Variants in ABCA4 observed in about 807,000 individuals in gnomAD.
The protein encoded by ABCA4 is ATP binding cassette subfamily A member 4.
A neutral mutation model predicts 263.7 loss-of-function variants in ABCA4; 196 were observed. The observed-to-expected ratio is 0.74, with a 90% CI of 0.66 to 0.84. ABCA4 has a LOEUF of 0.84. ABCA4 is among the 40% of genes least tolerant of loss of function. The probability of loss-of-function intolerance (pLI) is 0.00; values close to 1 mark genes in which losing one functional copy is unlikely to be tolerated. For missense variants in ABCA4, 2,792 were observed against 2,855.1 expected (o/e 0.98, Z 0.50); for synonymous variants, 1,133 against 1,094.2 (o/e 1.04, Z -0.70).
At chr1:94,102,441 C>G (rs1303193306) in intron 5 of ABCA4, among the ~76,000 whole-genome samples, 1 of 151,944 alleles carries the variant, frequency 6.6e-6, no homozygotes, top group Non-Finnish European at 1.5e-5. Context: ...GGCTGACAGA[C>G]AACTCTGCTC....
At chr1:94,021,463 A>G in intron 34 of ABCA4, 54 bp from the exon 35 acceptor site, 1 of 1,610,456 alleles carries the variant, frequency 6.2e-7, no homozygotes, top group Non-Finnish European at 8.5e-7. Context: ...GTTAAAGCAG[A>G]AATCAGTGAA....
At position 94,060,632 on chromosome 1, in the gene ABCA4, G is replaced by A; in HGVS notation, c.2065C>T (p.Gln689Ter). ...CAAATCACTGCATTGGAGACACCCT[G>A]ATTTTTCAAGGTCTCCTTCAGTCGC... ...ELRLKETLKN[Q>*]GVSNAVIWCT... Residue 689 changes from glutamine to a stop codon, truncating the protein, a stop_gained, in exon 14 of 50, where the codon CAG becomes TAG. Transcript: ENST00000370225. LOFTEE classifies it high-confidence loss of function. 6.2e-7 allele frequency: 1 copy of A among 1,614,152 alleles called. No homozygotes were observed. Among genetic ancestry groups the A allele is most frequent in the Non-Finnish European group, 8.5e-7 (1 of 1,180,030 alleles).
At chr1:94,036,299 T>C (rs921930601) in intron 26 of ABCA4, among the ~76,000 whole-genome samples, 1 of 150,772 alleles carries the variant, frequency 6.6e-6, no homozygotes, top group African/African-American at 2.4e-5. Context: ...CCATCTAGGA[T>C]GCAAAATGCC....
rs1557770103 is a variant in ABCA4 at position 94,024,939 on chromosome 1, A to C, written c.4634+15T>G. 3.7e-6 allele frequency: 6 copies of C among 1,604,264 alleles called. No individual in the cohort carries two copies. The highest frequency in any genetic ancestry group is 5.1e-6 in the Non-Finnish European group (6 of 1,170,988). ...AGGGAGCCAGGATAAAAAGCATAAA[A>C]GGATTTCTTCTTACCTGCTTCTTAT... On this transcript the variant is annotated intron_variant, in intron 31 of 49. Coordinates refer to ENST00000370225, the MANE Select transcript of ABCA4 (RefSeq NM_000350.3).
rs138494741 is a variant in ABCA4 at position 94,108,590 on chromosome 1, C to T, written c.429G>A (p.Pro143=). 48 of 1,613,470 alleles carry T rather than the reference C, an allele frequency of 3.0e-5. No homozygotes were observed. In the African/African-American group the frequency reaches 3.5e-4, roughly 12 times the overall value. ...SQFMDTLRTH[P]ERIAGRGIRI... ...AGTCATGCTTACCTGCAATTCTCTC[C>T]GGGTGAGTCCGGAGGGTGTCCATGA... The change falls in exon 4 of 50, where the codon CCG becomes CCA. Residue 143 remains proline, a synonymous_variant. Transcript: ENST00000370225.
intron 17 of ABCA4, among the ~76,000 whole-genome samples, 173 bp downstream of exon 17, chr1:94,051,460 G>A (rs1438794666): frequency 2.0e-5 from 3 of 152,192 alleles, no homozygotes; most frequent in Non-Finnish European, 4.4e-5. Flanking sequence ...ACTTGTGAAA[G>A]GTGGTCCCCC....
chr1:94,024,419 A>G (rs2151847), intron 31 of ABCA4, among the ~76,000 whole-genome samples: 2 of 152,024 alleles, frequency 1.3e-5, no homozygotes, highest in Non-Finnish European at 2.9e-5. Flanking sequence ...GCAGTGATCA[A>G]AGATGATAAT....
In ABCA4 at chr1:94,108,833, C is replaced by T. The variant is rs535314972; in HGVS notation, c.303-117G>A. On this transcript the variant is annotated intron_variant, in intron 3 of 49. Transcript: ENST00000370225. ...TGTCACCCAGGCTGGAGTGCAGTGG[C>T]GTGATCTCGGCTCACTGCAAGCTCT... 3.7e-4 allele frequency: 467 copies of T among 1,272,828 alleles called. 8 individuals are homozygous for T. The South Asian group carries it at 5.2e-3, about 14-fold the overall frequency. 78.8% of individuals were successfully genotyped at this position (1,272,828 alleles called of 1,614,324 possible).
chr1:94,062,111 A>T (rs1661143624), intron 13 of ABCA4, among the ~76,000 whole-genome samples: 1 of 152,120 alleles, frequency 6.6e-6, no homozygotes, highest in South Asian at 2.1e-4. Context: ...CTGCCTTGTC[A>T]TTGAGCATAC....
chr1:93,993,390 A>G, intron 49 of ABCA4, 148 bp from the exon 50 acceptor site: 2 of 970,270 alleles, frequency 2.1e-6, no homozygotes, highest in Non-Finnish European at 3.2e-6. Flanking sequence ...CACCCAGGTT[A>G]TGGGCCATCT....
At chr1:94,060,386 T>C in intron 14 of ABCA4, 151 bp downstream of exon 14, 1 of 741,288 alleles carries the variant, frequency 1.3e-6, no homozygotes, top group African/African-American at 1.7e-5. Flanking sequence ...TCTCTTTGAG[T>C]GTCTCCCACG....
chr1:94,003,193 C>A lies in ABCA4; in HGVS notation c.6148-1201G>T, dbSNP rs186038661. Among the ~76,000 whole-genome samples the A allele has an allele frequency of 9.7e-4, 147 of 152,236 alleles. 1 individual carries two copies. Among genetic ancestry groups the A allele is most frequent in the Admixed American group, 3.8e-3 (58 of 15,286 alleles). ...TCATAGTTCAGTTTTGTCAGTTGGT[C>A]CAATAATATCCTTCTATCATTTTTT... On this transcript the variant is annotated intron_variant, in intron 44 of 49. Coordinates refer to ENST00000370225, the MANE Select transcript of ABCA4 (RefSeq NM_000350.3).
In ABCA4 at chr1:94,044,700, A is replaced by G. The variant is rs1660624046; in HGVS notation, c.2963T>C (p.Leu988Pro). ...GGTTTCAATGTCCCTTCCCCCAACG[A>G]GCACAGTCCCAGAGGTTGGTGGCAA... ...GLLPPTSGTVLVGGRDIETSL... is the reference protein window; with the variant it reads ...GLLPPTSGTVPVGGRDIETSL... The change falls in exon 20 of 50, where the codon CTC (leucine) becomes CCC (proline). Residue 988 changes from leucine to proline, a missense_variant. Leu to Pro is a moderately conservative substitution (Grantham distance 98). Coordinates refer to ENST00000370225, the MANE Select transcript of ABCA4 (RefSeq NM_000350.3). 1 of 1,614,104 alleles carries G rather than the reference A, an allele frequency of 6.2e-7. No homozygotes were observed. The highest frequency in any genetic ancestry group is 1.1e-5 in the South Asian group (1 of 91,086).
chr1:94,022,588 C>A (rs1659933139), intron 32 of ABCA4, among the ~76,000 whole-genome samples: 1 of 152,186 alleles, frequency 6.6e-6, no homozygotes, highest in Non-Finnish European at 1.5e-5. Flanking sequence ...CCTGTACTGC[C>A]CTGGAAGTCT....
chr1:94,055,184 C>G lies in ABCA4; in HGVS notation c.2514G>C (p.Leu838=), dbSNP rs149538369. 1 of 1,614,180 alleles carries G rather than the reference C, an allele frequency of 6.2e-7. No individual in the cohort carries two copies. The highest frequency in any genetic ancestry group is 1.1e-5 in the South Asian group (1 of 91,076). Residue 838 remains leucine (L), a synonymous_variant, in exon 16 of 50, where the codon CTG becomes CTC. Transcript: ENST00000370225. ...PTEGDEFSFL[L]SMQMMLLDAA... ...CATCAAGGAGCATCATCTGCATGGA[C>G]AGCAGGAAGCTGAATTCGTCCCCTT...
At chr1:94,107,531 GT>G (rs1221846936) in intron 4 of ABCA4, among the ~76,000 whole-genome samples, 3 of 152,204 alleles carry the variant, frequency 2.0e-5, no homozygotes, top group Non-Finnish European at 2.9e-5. Context: ...CTTTCGGATT[GT>G]TTCTTGTTCT....
intron 27 of ABCA4, 128 bp from the exon 28 acceptor site, chr1:94,031,248 G>A: frequency 7.6e-7 from 1 of 1,319,594 alleles, no homozygotes; most frequent in Non-Finnish European, 1.1e-6. Flanking sequence ...GGTGGAGAGG[G>A]TTGGGCTTCT....
At chr1:94,120,277 A>G (rs1242649321) in intron 1 of ABCA4, among the ~76,000 whole-genome samples, 3 of 152,178 alleles carry the variant, frequency 2.0e-5, no homozygotes, top group Non-Finnish European at 4.4e-5. Flanking sequence ...AAGCCAGTCC[A>G]GGGTGGAATC....
At chr1:94,077,193 G>A (rs1445745728) in intron 11 of ABCA4, among the ~76,000 whole-genome samples, 1 of 152,234 alleles carries the variant, frequency 6.6e-6, no homozygotes, top group Non-Finnish European at 1.5e-5. Context: ...TCCCTCACTT[G>A]AGAATTCGGG....
Sources: gnomAD v4.1 joint callset for allele counts (sites outside exome capture counted in the v4.1 genomes callset) on GRCh38, gnomAD v4.1.1 for gene constraint, MANE v1.5 for transcripts, NCBI Gene and HGNC (gene_info 2026-07-23, HGNC 2026-07-21) for gene names.